GRAMD1B: variants seen among roughly 807,000 people sequenced by gnomAD.
The protein encoded by GRAMD1B is GRAM domain containing 1B.
Under a neutral mutation model 99.7 loss-of-function variants are expected in GRAMD1B, and 37 were observed. That is an observed-to-expected ratio of 0.37 (90% CI 0.29 to 0.49). GRAMD1B has a LOEUF of 0.49. Among genes scored for constraint, GRAMD1B ranks in the 20% least tolerant of loss-of-function variants. The pLI, the probability that GRAMD1B is intolerant of heterozygous loss-of-function variation, is 0.98. For synonymous variants in GRAMD1B, 427 were observed against 387.6 expected (o/e 1.10, Z -1.19); for missense variants, 888 against 1,009.2 (o/e 0.88, Z 1.63).
At chr11:123,481,228 G>A (rs1229830480) in intron 2 of GRAMD1B, among the ~76,000 whole-genome samples, 1 of 152,156 alleles carries the variant, frequency 6.6e-6, no homozygotes, top group Non-Finnish European at 1.5e-5. Context: ...GTCGAGGCGG[G>A]CGGATCACTT....
At chr11:123,502,423 A>G (rs1371217315) in intron 2 of GRAMD1B, among the ~76,000 whole-genome samples, 2 of 152,198 alleles carry the variant, frequency 1.3e-5, no homozygotes, top group Non-Finnish European at 2.9e-5. Flanking sequence ...CCCCTTGCCC[A>G]TTAATCCGGT....
intron 2 of GRAMD1B, among the ~76,000 whole-genome samples, chr11:123,523,396 G>A (rs1202383905): frequency 1.3e-5 from 2 of 152,144 alleles, no homozygotes; most frequent in Non-Finnish European, 2.9e-5. Context: ...TGAAAATCAT[G>A]AGGTACTGCC....
At chr11:123,616,643 C>G (rs975912139) in intron 17 of GRAMD1B, among the ~76,000 whole-genome samples, 1 of 152,258 alleles carries the variant, frequency 6.6e-6, no homozygotes, top group African/African-American at 2.4e-5. Flanking sequence ...ACAGCCTACA[C>G]GTGGGACGGG....
chr11:123,526,250 C>G, intron 2 of GRAMD1B: 4 of 1,221,586 alleles, frequency 3.3e-6, no homozygotes, highest in Non-Finnish European at 4.8e-6. Context: ...CTCAAGAGGT[C>G]TCCTTCATTG....
chr11:123,617,298 C>T (rs1018141787), intron 17 of GRAMD1B, among the ~76,000 whole-genome samples: 2 of 151,982 alleles, frequency 1.3e-5, no homozygotes, highest in African/African-American at 4.8e-5. Context: ...ATCCTCCTGC[C>T]TCAGCTTCCC....
At chr11:123,593,091 G>A (rs1293620889) in intron 4 of GRAMD1B, among the ~76,000 whole-genome samples, 2 of 151,994 alleles carry the variant, frequency 1.3e-5, no homozygotes, top group African/African-American at 2.4e-5. Context: ...AATTAGCCGG[G>A]AGAGGTGGCA....
intron 1 of GRAMD1B, among the ~76,000 whole-genome samples, chr11:123,397,589 G>A (rs1012708400): frequency 5.3e-5 from 8 of 152,136 alleles, no homozygotes; most frequent in African/African-American, 1.4e-4. Context: ...CTGCAGCCTC[G>A]ACTCTCAGGC....
chr11:123,462,890 T>TAAAAAAAAAAAAAAAAAAAA (rs55643501), intron 1 of GRAMD1B, among the ~76,000 whole-genome samples: 32 of 123,006 alleles, frequency 2.6e-4, no homozygotes, highest in Admixed American at 5.3e-4. Flanking sequence ...AAAAAATAAA[T>TAAAAAAAAAAAAAAAAAAAA]TAAAAAAAAA....
intron 2 of GRAMD1B, among the ~76,000 whole-genome samples, chr11:123,518,569 A>T (rs143077915): frequency 1.3e-5 from 2 of 152,192 alleles, no homozygotes; most frequent in African/African-American, 4.8e-5. Context: ...TTTACCTTTT[A>T]CTTTTTCCTC....
At chr11:123,377,834 A>G (rs1327556418) in intron 1 of GRAMD1B, among the ~76,000 whole-genome samples, 1 of 152,248 alleles carries the variant, frequency 6.6e-6, no homozygotes, top group Non-Finnish European at 1.5e-5. Flanking sequence ...CTTGCAAAAG[A>G]TCTCAAACTC....
In GRAMD1B at chr11:123,609,904, G is replaced by A; in HGVS notation, c.1767G>A (p.Arg589=). Residue 589 remains arginine, a synonymous_variant, in exon 13 of 20, where the codon AGG becomes AGA. Coordinates refer to ENST00000635736, the MANE Select transcript of GRAMD1B (RefSeq NM_001387025.1). ...NPLAPKTATV[R]ETQTMYKASQ... ...TGGCTCCCAAAACTGCCACTGTCAGGGAGACACAGGTGAGCAGAGCCGCGG... is the reference window on the plus strand; with the variant it reads ...TGGCTCCCAAAACTGCCACTGTCAGAGAGACACAGGTGAGCAGAGCCGCGG... 1.3e-6 allele frequency: 2 copies of A among 1,558,468 alleles called. No homozygotes were observed. Among genetic ancestry groups the A allele is most frequent in the Non-Finnish European group, 1.8e-6 (2 of 1,139,366 alleles).
intron 1 of GRAMD1B, among the ~76,000 whole-genome samples, chr11:123,402,309 G>T (rs926758974): frequency 4.6e-5 from 7 of 152,122 alleles, no homozygotes; most frequent in African/African-American, 7.2e-5. Context: ...GAGCCACCAC[G>T]CCCGGCCAAG....
chr11:123,398,714 T>A (rs1201486811), intron 1 of GRAMD1B, among the ~76,000 whole-genome samples: 1 of 152,178 alleles, frequency 6.6e-6, no homozygotes. Context: ...TATCGGTCAT[T>A]TATATATTTT....
intron 8 of GRAMD1B, among the ~76,000 whole-genome samples, chr11:123,601,241 G>A (rs1158325595): frequency 6.6e-6 from 1 of 152,290 alleles, no homozygotes; most frequent in South Asian, 2.1e-4. Context: ...TACAGAAAAT[G>A]TAGTTAACAC....
chr11:123,503,829 T>G (rs2846298), intron 2 of GRAMD1B, among the ~76,000 whole-genome samples: 118,610 of 152,114 alleles, frequency 0.78, 46,678 homozygotes, highest in African/African-American at 0.88. Flanking sequence ...TTATAGATGT[T>G]AGCCACCACC....
intron 7 of GRAMD1B, chr11:123,598,865 G>A: frequency 7.3e-7 from 1 of 1,378,396 alleles, no homozygotes; most frequent in South Asian, 1.2e-5. Context: ...CTCTATCTGT[G>A]TAATCCTGAA....
chr11:123,409,298 A>T (rs1947959003), intron 1 of GRAMD1B, among the ~76,000 whole-genome samples: 1 of 152,226 alleles, frequency 6.6e-6, no homozygotes, highest in East Asian at 1.9e-4. Context: ...TCTACAAAGT[A>T]GCATCCCACC....
chr11:123,396,118 T>G lies in GRAMD1B; in HGVS notation c.-176+37319T>G, dbSNP rs139351060. Among the ~76,000 whole-genome samples, 1,053 of 152,130 alleles carry G rather than the reference T, an allele frequency of 6.9e-3. 9 individuals carry two copies. Among genetic ancestry groups the G allele is most frequent in the Non-Finnish European group, 8.9e-3 (606 of 67,992 alleles). ...CCTCCTTGCTACTCCTTGGCTTCCCTGACCCACCAGACTCCTCCATGGAAA... is the reference window on the plus strand; with the variant it reads ...CCTCCTTGCTACTCCTTGGCTTCCCGGACCCACCAGACTCCTCCATGGAAA... On this transcript the variant is annotated intron_variant, in intron 1 of 20. Transcript: ENST00000638157.
At chr11:123,583,640 G>A (rs1057006366) in intron 3 of GRAMD1B, among the ~76,000 whole-genome samples, 3 of 152,120 alleles carry the variant, frequency 2.0e-5, no homozygotes, top group African/African-American at 7.2e-5. Context: ...TGGGAATGGA[G>A]AACACTTAAG....
Sources: gnomAD v4.1 joint callset for allele counts (sites outside exome capture counted in the v4.1 genomes callset) on GRCh38, gnomAD v4.1.1 for gene constraint, MANE v1.5 for transcripts, NCBI Gene and HGNC (gene_info 2026-07-23, HGNC 2026-07-21) for gene names.